Variants in DMD observed in about 807,000 individuals in gnomAD.
DMD encodes the protein mutant dystrophin.
DMD carries 63 observed loss-of-function variants against 330.1 expected under a neutral mutation model. The ratio of observed to expected loss-of-function variants is 0.19; its 90% confidence interval spans 0.16 to 0.24. The LOEUF is 0.24. Among genes scored for constraint, DMD ranks in the 10% least tolerant of loss-of-function variants. DMD has a pLI of 1.00. For missense variants in DMD, 3,344 were observed against 2,684.1 expected, an observed-to-expected ratio of 1.25 and a Z score of -5.43; for synonymous variants, 1,223 against 959.8, an observed-to-expected ratio of 1.27 and a Z score of -5.07.
chrX:32,675,188 G>GAAT (rs2061890056), intron 9 of DMD, among the ~76,000 whole-genome samples: 1 of 111,057 alleles, frequency 9.0e-6, no homozygotes, highest in Non-Finnish European at 1.9e-5. Flanking sequence ...TCATCAAATG[G>GAAT]AATTTTTAGA....
In DMD at chrX:32,759,271, G is replaced by A. The variant is rs188494230; in HGVS notation, c.649+50222C>T. On this transcript the variant is annotated intron_variant, in intron 7 of 78. Transcript: ENST00000357033. Reference sequence around the variant, plus strand: ...AAAGGATCATTTCTAATTTTTCTCTGGGGTCCTCTGGCACAATACTAAACT... The same window carrying A: ...AAAGGATCATTTCTAATTTTTCTCTAGGGTCCTCTGGCACAATACTAAACT... 2.9e-3 allele frequency among the ~76,000 whole-genome samples: 323 copies of A among 111,789 alleles called. 1 individual carries two copies. Among genetic ancestry groups the A allele is most frequent in the Middle Eastern group, 9.1e-3 (2 of 219 alleles).
intron 1 of DMD, among the ~76,000 whole-genome samples, chrX:33,144,864 A>C (rs2047953105): frequency 8.9e-6 from 1 of 112,107 alleles, no homozygotes; most frequent in Non-Finnish European, 1.9e-5. Context: ...ATCATAGATT[A>C]AGAAAGAGTG....
chrX:32,590,784 T>C (rs1419274449), intron 13 of DMD, among the ~76,000 whole-genome samples: 1 of 111,134 alleles, frequency 9.0e-6, no homozygotes, highest in African/African-American at 3.3e-5. Flanking sequence ...TCTTGAGGCT[T>C]TTGGACTTGG....
chrX:32,525,417 G>T (rs1472350753), intron 17 of DMD, among the ~76,000 whole-genome samples: 1 of 110,892 alleles, frequency 9.0e-6, no homozygotes. Flanking sequence ...CAGAGGCAGG[G>T]TTTCAAGGCC....
At chrX:32,379,937 A>C (rs936631404) in intron 34 of DMD, among the ~76,000 whole-genome samples, 2 of 111,096 alleles carry the variant, frequency 1.8e-5, no homozygotes, top group African/African-American at 6.5e-5. Context: ...AAAAATACTA[A>C]GCTATGAGTC....
intron 9 of DMD, among the ~76,000 whole-genome samples, chrX:32,647,128 G>C (rs1025919893): frequency 4.5e-5 from 5 of 111,651 alleles, no homozygotes; most frequent in Non-Finnish European, 7.5e-5. Flanking sequence ...ACAGGGCCCT[G>C]AGCGCAGAAG....
chrX:32,081,492 T>G (rs1481587868), intron 44 of DMD, among the ~76,000 whole-genome samples: 1 of 112,402 alleles, frequency 8.9e-6, no homozygotes, highest in Non-Finnish European at 1.9e-5. Context: ...ATCCTGCTTC[T>G]AAGCCCTCTC....
At chrX:33,044,506 C>G (rs1448154382) in intron 1 of DMD, among the ~76,000 whole-genome samples, 1 of 111,921 alleles carries the variant, frequency 8.9e-6, no homozygotes, top group Non-Finnish European at 1.9e-5. Flanking sequence ...GTGAACTGAA[C>G]CAGTAAGATG....
rs777133397 is a variant in DMD, at chrX:32,284,478, C to T, written c.6290+3051G>A. On this transcript the variant is annotated intron_variant, in intron 43 of 78. Transcript: ENST00000357033. ...TTGAAAGCATGTAAGAATGAATTAA[C>T]AGATATCATGACTATCAGAACCATA... Among the ~76,000 whole-genome samples, 11 of 111,895 alleles carry T rather than the reference C, an allele frequency of 9.8e-5. No homozygotes were observed. In the South Asian group the frequency reaches 4.1e-3, roughly 42 times the overall value.
chrX:31,609,075 G>GTATTTT (rs2148281666), intron 55 of DMD, among the ~76,000 whole-genome samples: 1 of 112,096 alleles, frequency 8.9e-6, no homozygotes, highest in South Asian at 3.7e-4. Context: ...TGATTGTTAT[G>GTATTTT]TATTTTTATT....
chrX:31,179,175 T>C (rs139390287), intron 69 of DMD, among the ~76,000 whole-genome samples: 1 of 112,825 alleles, frequency 8.9e-6, no homozygotes, highest in Non-Finnish European at 1.9e-5. Flanking sequence ...TTTTAAAAAC[T>C]ACTTAGTACA....
chrX:33,067,277 A>T (rs889779093), intron 1 of DMD, among the ~76,000 whole-genome samples: 8 of 112,243 alleles, frequency 7.1e-5, no homozygotes, highest in African/African-American at 2.6e-4. Flanking sequence ...GAACTCAGCG[A>T]CTGCAGACAC....
chrX:31,257,879 G>A (rs974343481), intron 63 of DMD, among the ~76,000 whole-genome samples: 5 of 112,024 alleles, frequency 4.5e-5, no homozygotes, highest in Admixed American at 9.4e-5. Context: ...CTGGGGAGGC[G>A]GAGGTTGCCG....
intron 55 of DMD, among the ~76,000 whole-genome samples, chrX:31,609,269 G>C (rs182952819): frequency 9.0e-6 from 1 of 111,634 alleles, no homozygotes; most frequent in African/African-American, 3.3e-5. Flanking sequence ...TCTGAGTCAC[G>C]AGTCTTGTCT....
In DMD at chrX:32,752,897, T is replaced by TC. The variant is rs780683117; in HGVS notation, c.650-53605dup. Among the ~76,000 whole-genome samples the TC allele has an allele frequency of 2.3e-4, 25 of 111,001 alleles. No individual in the cohort carries two copies. The South Asian group carries it at 9.3e-3, about 41-fold the overall frequency. On this transcript the variant is annotated intron_variant, in intron 7 of 78. Coordinates refer to ENST00000357033, the MANE Select transcript of DMD (RefSeq NM_004006.3). ...ATTCCTGTAAAATGTGACTTACTCC[T>TC]CCTTGCCTTCCACCATGATTGTGAG... is the stretch of plus-strand genomic sequence containing the variant.
At chrX:32,667,905 C>T (rs1404400564) in intron 9 of DMD, among the ~76,000 whole-genome samples, 4 of 108,771 alleles carry the variant, frequency 3.7e-5, no homozygotes, top group Middle Eastern at 4.7e-3. Context: ...TTTGGGAGGC[C>T]GAGGCGGGCG....
chrX:31,356,923 C>CA lies in DMD; in HGVS notation c.9085-8290_9085-8289insT, dbSNP rs1252522600. ...GAGATCATAGGAAGCATTTCTTCTG[C>CA]CTTTTTTTTTTTTTTTTTTTTTGGT... On this transcript the variant is annotated intron_variant, in intron 60 of 78. Coordinates refer to ENST00000357033, the MANE Select transcript of DMD (RefSeq NM_004006.3). Among the ~76,000 whole-genome samples, 101 of 64,882 alleles carry CA rather than the reference C, an allele frequency of 1.6e-3. 1 individual carries two copies. The highest frequency in any genetic ancestry group is 1.8e-3 in the Non-Finnish European group (66 of 37,270). 56.3% of individuals were successfully genotyped at this position (64,882 alleles called of 115,157 possible).
chrX:32,662,368 G>T (rs1219020798), intron 9 of DMD, among the ~76,000 whole-genome samples: 1 of 111,574 alleles, frequency 9.0e-6, no homozygotes, highest in Non-Finnish European at 1.9e-5. Flanking sequence ...TGTAAATCTG[G>T]AATAGGGAAG....
chrX:32,812,784 G>C (rs1486673701), intron 6 of DMD, among the ~76,000 whole-genome samples: 1 of 111,668 alleles, frequency 9.0e-6, no homozygotes, highest in East Asian at 2.8e-4. Flanking sequence ...ATGGAAACTA[G>C]CTTATTTACA....
Sources: gnomAD v4.1 joint callset for allele counts (sites outside exome capture counted in the v4.1 genomes callset) on GRCh38, gnomAD v4.1.1 for gene constraint, MANE v1.5 for transcripts, NCBI Gene and HGNC (gene_info 2026-07-23, HGNC 2026-07-21) for gene names.